Variants in PTPRT observed in about 807,000 individuals in gnomAD.
The protein encoded by PTPRT is protein tyrosine phosphatase receptor type T.
A neutral mutation model predicts 176.8 loss-of-function variants in PTPRT; 56 were observed. That is an observed-to-expected ratio of 0.32 (90% CI 0.26 to 0.40). PTPRT has a LOEUF of 0.40. Ranked by LOEUF, PTPRT falls within the 10% of genes least tolerant of loss-of-function variation. The pLI is 1.00. For missense variants in PTPRT, 1,540 were observed against 1,908.2 expected (o/e 0.81, Z 3.60); for synonymous variants, 783 against 739.0 (o/e 1.06, Z -0.96).
intron 7 of PTPRT, among the ~76,000 whole-genome samples, chr20:42,533,035 C>G (rs138270105): frequency 9.6e-4 from 146 of 152,228 alleles, no homozygotes; most frequent in African/African-American, 3.3e-3. Flanking sequence ...ATTGCCTGCT[C>G]GGAAAACAGC....
intron 1 of PTPRT, among the ~76,000 whole-genome samples, chr20:43,037,681 G>T (rs78204506): frequency 0.018 from 2,723 of 152,140 alleles, 75 homozygotes; most frequent in African/African-American, 0.062. Flanking sequence ...TAAGTCATCT[G>T]GTGGCAATGG....
intron 13 of PTPRT, among the ~76,000 whole-genome samples, chr20:42,267,972 G>T (rs1016474875): frequency 6.6e-6 from 1 of 152,074 alleles, no homozygotes; most frequent in South Asian, 2.1e-4. Context: ...AGGATCACCA[G>T]CCCAGAAGGT....
intron 1 of PTPRT, among the ~76,000 whole-genome samples, chr20:43,092,224 C>T (rs188421163): frequency 1.4e-4 from 22 of 152,260 alleles, no homozygotes; most frequent in Admixed American, 1.2e-3. Flanking sequence ...AGGGGACAAA[C>T]GAGACTCCAT....
At chr20:42,893,435 T>C (rs1254514550) in intron 1 of PTPRT, among the ~76,000 whole-genome samples, 3 of 151,702 alleles carry the variant, frequency 2.0e-5, no homozygotes, top group Non-Finnish European at 2.9e-5. Context: ...AGTTCAACCA[T>C]TGTGGAAGTC....
intron 1 of PTPRT, among the ~76,000 whole-genome samples, chr20:43,018,105 T>C (rs1427748907): frequency 1.3e-5 from 2 of 152,204 alleles, no homozygotes; most frequent in Non-Finnish European, 2.9e-5. Context: ...GTTGAGGGAT[T>C]TGCCCACGGG....
intron 12 of PTPRT, 138 bp from the exon 13 acceptor site, chr20:42,282,663 T>G: frequency 1.5e-6 from 1 of 675,380 alleles, no homozygotes; most frequent in East Asian, 3.1e-5. Flanking sequence ...ATTTGCCCTT[T>G]CCATTTTTTT....
At chr20:43,023,597 C>T (rs1391341554) in intron 1 of PTPRT, among the ~76,000 whole-genome samples, 1 of 152,192 alleles carries the variant, frequency 6.6e-6, no homozygotes, top group Non-Finnish European at 1.5e-5. Context: ...GGCATCTCCT[C>T]ACACTAATGT....
intron 7 of PTPRT, among the ~76,000 whole-genome samples, chr20:42,592,715 C>T (rs1039245668): frequency 2.6e-5 from 4 of 152,164 alleles, no homozygotes; most frequent in Non-Finnish European, 2.9e-5. Flanking sequence ...GTAGACCTTA[C>T]AAAGCTCAAG....
At chr20:43,063,144 G>A (rs549266321) in intron 1 of PTPRT, among the ~76,000 whole-genome samples, 1 of 152,152 alleles carries the variant, frequency 6.6e-6, no homozygotes, top group Non-Finnish European at 1.5e-5. Flanking sequence ...CTCAGTGTGA[G>A]GTCACAAAAG....
intron 6 of PTPRT, among the ~76,000 whole-genome samples, chr20:42,697,938 C>A (rs999458714): frequency 6.6e-6 from 1 of 152,158 alleles, no homozygotes; most frequent in African/African-American, 2.4e-5. Context: ...TGCTTAAAGC[C>A]ACATATAACA....
chr20:42,726,280 T>C (rs2076380153), intron 6 of PTPRT, among the ~76,000 whole-genome samples: 2 of 152,074 alleles, frequency 1.3e-5, no homozygotes, highest in South Asian at 4.2e-4. Context: ...GGTTTCACCA[T>C]GTTGGCCAGA....
intron 7 of PTPRT, among the ~76,000 whole-genome samples, chr20:42,545,155 G>A (rs1019695461): frequency 2.2e-4 from 34 of 152,148 alleles, no homozygotes; most frequent in African/African-American, 7.5e-4. Context: ...ACCAGGCCCC[G>A]TTAAGGTCAT....
intron 7 of PTPRT, among the ~76,000 whole-genome samples, chr20:42,628,895 G>A (rs965010960): frequency 7.2e-5 from 11 of 152,108 alleles, no homozygotes; most frequent in Admixed American, 7.2e-4. Context: ...TTACTAACTG[G>A]CCCTTAACTG....
intron 1 of PTPRT, among the ~76,000 whole-genome samples, chr20:42,902,521 C>T (rs77073203): frequency 0.019 from 2,864 of 152,294 alleles, 102 homozygotes; most frequent in African/African-American, 0.065. Context: ...AGAGAACATC[C>T]TGATGTCATG....
At chr20:42,398,239 T>G (rs2058870522) in intron 9 of PTPRT, among the ~76,000 whole-genome samples, 1 of 152,192 alleles carries the variant, frequency 6.6e-6, no homozygotes, top group Admixed American at 6.5e-5. Flanking sequence ...TGTACAAATC[T>G]GATTAAACTA....
intron 9 of PTPRT, among the ~76,000 whole-genome samples, chr20:42,426,120 C>A (rs2059161465): frequency 6.6e-6 from 1 of 152,042 alleles, no homozygotes; most frequent in African/African-American, 2.4e-5. Context: ...GGTTCCCTGG[C>A]AAAACCCCCA....
At chr20:42,263,801 G>T (rs1278422118) in intron 13 of PTPRT, among the ~76,000 whole-genome samples, 1 of 151,798 alleles carries the variant, frequency 6.6e-6, no homozygotes, top group Non-Finnish European at 1.5e-5. Context: ...TGGGATTATG[G>T]GTGTGGAGCC....
chr20:42,390,352 A>C (rs1354675819), intron 9 of PTPRT, among the ~76,000 whole-genome samples: 1 of 152,232 alleles, frequency 6.6e-6, no homozygotes, highest in Non-Finnish European at 1.5e-5. Flanking sequence ...TTGATTAAGG[A>C]AAGTATAAAC....
At chr20:42,190,634 C>T in intron 16 of PTPRT, among the ~76,000 whole-genome samples, 1 of 152,124 alleles carries the variant, frequency 6.6e-6, no homozygotes, top group Non-Finnish European at 1.5e-5. Context: ...TGGCCCTAAC[C>T]CTAGAGTTTT....
Sources: allele counts gnomAD v4.1 joint callset (sites outside exome capture counted in the v4.1 genomes callset), GRCh38; gene constraint gnomAD v4.1.1; transcripts MANE v1.5; gene names NCBI Gene and HGNC (gene_info 2026-07-23, HGNC 2026-07-21).